Variants in AOPEP observed in about 807,000 individuals in gnomAD.
AOPEP encodes the protein aminopeptidase O.
AOPEP carries 77 observed loss-of-function variants against 98.1 expected under a neutral mutation model. That is an observed-to-expected ratio of 0.78 (90% confidence interval 0.65 to 0.95). The LOEUF (loss-of-function observed/expected upper bound fraction) is 0.95, where lower values mean the gene tolerates loss of function less well. Among genes scored for constraint, AOPEP ranks in the 40% least tolerant of loss-of-function variants. The pLI is 0.00. For synonymous variants in AOPEP, 346 were observed against 365.3 expected (o/e 0.95, Z 0.60); for missense variants, 1,024 against 1,024.7 (o/e 1.00, Z 0.01).
chr9:94,871,389 T>C (rs937963499), intron 5 of AOPEP, among the ~76,000 whole-genome samples: 1 of 152,226 alleles, frequency 6.6e-6, no homozygotes, highest in South Asian at 2.1e-4. Context: ...CATACCACCC[T>C]GCGTAATGGT....
chr9:94,775,157 T>C (rs1643902198), intron 3 of AOPEP, among the ~76,000 whole-genome samples: 1 of 152,166 alleles, frequency 6.6e-6, no homozygotes, highest in Admixed American at 6.5e-5. Context: ...AAGATTCATT[T>C]TGTTCTGATA....
the AOPEP span, chr9:95,150,126 G>C: frequency 6.2e-7 from 1 of 1,609,108 alleles, no homozygotes; most frequent in Non-Finnish European, 8.5e-7. Context: ...AAATCTAAGA[G>C]CCATGCATAA....
chr9:94,760,504 C>G lies in AOPEP; in HGVS notation c.721C>G (p.Pro241Ala). 6.2e-7 allele frequency: 1 copy of G among 1,608,144 alleles called. No individual in the cohort carries two copies. The highest frequency in any genetic ancestry group is 8.5e-7 in the Non-Finnish European group (1 of 1,177,948). Residue 241 changes from proline to alanine, a missense_variant, in exon 2 of 17, where the codon CCT (proline) becomes GCT (alanine). Pro to Ala is a conservative substitution (Grantham distance 27, BLOSUM62 -1). This residue lies in a region of AOPEP where 440 missense variants were observed against 433.8 expected (regional missense o/e 1.01). Coordinates refer to ENST00000375315, the MANE Select transcript of AOPEP (RefSeq NM_001193329.3). ...KTGAQTATDFPHAIRIWYKTK... is the reference protein window; with the variant it reads ...KTGAQTATDFAHAIRIWYKTK... ...AGGGGCTCAGACAGCTACTGACTTT[C>G]CTCATGCTATCAGGATATGGTACAA...
chr9:94,894,125 G>C (rs72748566), intron 5 of AOPEP, among the ~76,000 whole-genome samples: 4,390 of 152,122 alleles, frequency 0.029, 169 homozygotes, highest in African/African-American at 0.084. Flanking sequence ...AATTGTTCTT[G>C]ATGAAAAATG....
chr9:94,943,518 TG>T (rs1406516732), intron 7 of AOPEP, among the ~76,000 whole-genome samples: 1 of 148,088 alleles, frequency 6.8e-6, no homozygotes, highest in Admixed American at 6.7e-5. Context: ...TGCTTGAATC[TG>T]GGAGATGGAG....
intron 14 of AOPEP, among the ~76,000 whole-genome samples, chr9:95,077,822 C>T (rs1462588298): frequency 5.3e-5 from 8 of 152,038 alleles, no homozygotes; most frequent in African/African-American, 9.7e-5. Flanking sequence ...GAATGGCATG[C>T]GAATTGTGGG....
At chr9:95,046,278 A>G (rs1341067466) in intron 13 of AOPEP, among the ~76,000 whole-genome samples, 1 of 152,222 alleles carries the variant, frequency 6.6e-6, no homozygotes, top group Middle Eastern at 3.2e-3. Context: ...CAGAATTGCA[A>G]ATTTGACCAA....
chr9:94,766,510 C>T (rs1436868211), intron 2 of AOPEP, among the ~76,000 whole-genome samples: 2 of 152,204 alleles, frequency 1.3e-5, no homozygotes, highest in African/African-American at 4.8e-5. Context: ...GCACTCCAGC[C>T]TGGGCGACAG....
intron 5 of AOPEP, among the ~76,000 whole-genome samples, chr9:94,834,831 TACATACATACATACATACATACAA>T (rs2041377415): frequency 1.3e-5 from 2 of 151,976 alleles, no homozygotes; most frequent in African/African-American, 2.4e-5. Context: ...CATACATACA[TACATACATACATACATACATACAA>T]ACAATAAAAC....
chr9:95,079,050 G>A (rs1265485616), intron 14 of AOPEP, among the ~76,000 whole-genome samples: 1 of 152,178 alleles, frequency 6.6e-6, no homozygotes, highest in African/African-American at 2.4e-5. Context: ...CTTCCCTTTT[G>A]CTCTGAGGGC....
intron 14 of AOPEP, among the ~76,000 whole-genome samples, chr9:95,068,153 A>G (rs2068103364): frequency 6.6e-6 from 1 of 152,202 alleles, no homozygotes; most frequent in South Asian, 2.1e-4. Context: ...ATATGTGTGT[A>G]CGGTTTTGTG....
At chr9:95,031,630 A>AT (rs1336292825) in intron 13 of AOPEP, among the ~76,000 whole-genome samples, 4 of 152,140 alleles carry the variant, frequency 2.6e-5, no homozygotes, top group Non-Finnish European at 4.4e-5. Context: ...GGGCTGTTGG[A>AT]TTTTACTACT....
At chr9:94,870,058 G>A (rs1167126898) in intron 5 of AOPEP, among the ~76,000 whole-genome samples, 2 of 139,528 alleles carry the variant, frequency 1.4e-5, no homozygotes, top group Non-Finnish European at 3.0e-5. Flanking sequence ...GTGCGATCTC[G>A]GCTCACTGCA....
intron 5 of AOPEP, among the ~76,000 whole-genome samples, chr9:94,901,797 C>G (rs929846272): frequency 5.9e-5 from 9 of 151,912 alleles, no homozygotes; most frequent in African/African-American, 1.9e-4. Context: ...GAAAATTAGC[C>G]GGGCGTCGTG....
At chr9:94,839,119 T>C (rs1564231115) in intron 5 of AOPEP, among the ~76,000 whole-genome samples, 1 of 143,286 alleles carries the variant, frequency 7.0e-6, no homozygotes, top group African/African-American at 2.6e-5. Flanking sequence ...GGAGTCTCAC[T>C]CTGTCACTCA....
intron 1 of AOPEP, among the ~76,000 whole-genome samples, chr9:94,745,361 C>T (rs1350949811): frequency 6.6e-6 from 1 of 151,850 alleles, no homozygotes; most frequent in African/African-American, 2.4e-5. Context: ...CTGCAAGCTC[C>T]GCCTCCTGGG....
chr9:94,768,134 TA>T (rs1840031126), intron 2 of AOPEP, among the ~76,000 whole-genome samples: 3 of 152,132 alleles, frequency 2.0e-5, no homozygotes, highest in Non-Finnish European at 4.4e-5. Context: ...CTTGGAAACT[TA>T]TAAAAGATTC....
At chr9:94,788,304 A>G (rs981169865) in intron 3 of AOPEP, among the ~76,000 whole-genome samples, 20 of 151,974 alleles carry the variant, frequency 1.3e-4, no homozygotes, top group Non-Finnish European at 5.9e-5. Flanking sequence ...GTCTTGAACT[A>G]TTGGTCTCAT....
intron 11 of AOPEP, among the ~76,000 whole-genome samples, chr9:94,990,705 A>ACCT (rs1282173845): frequency 6.7e-6 from 1 of 149,738 alleles, no homozygotes; most frequent in Non-Finnish European, 1.5e-5. Context: ...GCTCACTGCA[A>ACCT]CCTCCTCCTC....
Sources: gnomAD v4.1 joint callset for allele counts (sites outside exome capture counted in the v4.1 genomes callset) on GRCh38, gnomAD v4.1.1 for gene constraint, gnomAD v4.1.1 regional missense constraint, MANE v1.5 for transcripts, NCBI Gene and HGNC (gene_info 2026-07-23, HGNC 2026-07-21) for gene names.